The following VPS13D variants were observed in gnomAD, a reference collection of about 807,000 sequenced individuals.
VPS13D encodes vacuolar protein sorting 13 homolog D, also known as intermembrane lipid transfer protein VPS13D.
In VPS13D, 187 loss-of-function variants were observed where a neutral mutation model predicts 461.9. That is an observed-to-expected ratio of 0.40 (90% CI 0.36 to 0.46). VPS13D has a LOEUF of 0.46. VPS13D is among the 20% of genes least tolerant of loss of function. The probability of loss-of-function intolerance (pLI) is 0.60; values close to 1 mark genes in which losing one functional copy is unlikely to be tolerated. For missense variants in VPS13D, 4,711 were observed against 5,364.9 expected (o/e 0.88, Z 3.81); for synonymous variants, 1,951 against 1,986.3 (o/e 0.98, Z 0.47).
In VPS13D at chr1:12,495,877, G is replaced by A. The variant is rs1382626452; in HGVS notation, c.12663-1623G>A. Among the ~76,000 whole-genome samples the A allele has an allele frequency of 6.6e-6, 1 of 152,200 alleles. No homozygotes were observed. Among genetic ancestry groups the A allele is most frequent in the Non-Finnish European group, 1.5e-5 (1 of 68,034 alleles). ...TGCTAGGCAAGGAGATAAGAACAGA[G>A]CTCTGCTACGTGGAGAGGCACGCCA... On this transcript the variant is annotated intron_variant, in intron 67 of 69. Transcript: ENST00000620676. The surrounding 1 kb of genome is among the most constrained non-coding windows in gnomAD (Gnocchi z 4.0).
rs766393064 is a variant in VPS13D, at chr1:12,253,699, C to A, written c.565-23C>A. 3.2e-5 allele frequency: 50 copies of A among 1,554,038 alleles called. 1 individual carries two copies. In the East Asian group the frequency reaches 1.0e-3, roughly 32 times the overall value. ...CGAATAAAGACAGTCATCCTATTTTCTTCTTTGTCTTTTTTACCTCAGGTA... is the reference window on the plus strand; with the variant it reads ...CGAATAAAGACAGTCATCCTATTTTATTCTTTGTCTTTTTTACCTCAGGTA... On this transcript the variant is annotated intron_variant, in intron 6 of 69. Transcript: ENST00000620676.
At chr1:12,413,734 A>T (rs1456531839) in intron 63 of VPS13D, among the ~76,000 whole-genome samples, 1 of 151,546 alleles carries the variant, frequency 6.6e-6, no homozygotes, top group Non-Finnish European at 1.5e-5. Context: ...AGCTTCCCAA[A>T]GTGCTGGGAT....
chr1:12,345,326 C>T lies in VPS13D; in HGVS notation c.8886-48C>T, dbSNP rs776735665. The T allele has an allele frequency of 3.9e-6, 6 of 1,550,466 alleles. No homozygotes were observed. The East Asian group carries it at 1.4e-4, about 35-fold the overall frequency. ...TGTGTCTTTGCTTCTACTTTTCATC[C>T]CTTCTGGAGATTGTGCCTAATATCT... is the stretch of plus-strand genomic sequence containing the variant. On this transcript the variant is annotated intron_variant, in intron 42 of 69. Transcript: ENST00000620676.
At position 12,291,003 on chromosome 1, in the gene VPS13D, G is replaced by A; in HGVS notation, c.5731G>A (p.Asp1911Asn). 1.2e-6 allele frequency: 2 copies of A among 1,609,866 alleles called. No individual in the cohort carries two copies. The highest frequency in any genetic ancestry group is 1.7e-6 in the Non-Finnish European group (2 of 1,178,886). Residue 1911 changes from aspartate (D) to asparagine (N), a missense_variant, in exon 23 of 70, where the codon GAC (aspartate) becomes AAC (asparagine). By Grantham distance (23) the Asp-to-Asn change is conservative. Coordinates refer to ENST00000620676, the MANE Select transcript of VPS13D (RefSeq NM_015378.4). ...LVAHLEMIEG[D>N]LALQGSIGSL... is the part of the protein sequence containing the mutation. ...TCTAACTTTATCATCCCTAGAGGGAGACCTGGCCTTACAGGGCAGCATTGG... is the reference window on the plus strand; with the variant it reads ...TCTAACTTTATCATCCCTAGAGGGAAACCTGGCCTTACAGGGCAGCATTGG...
intron 52 of VPS13D, among the ~76,000 whole-genome samples, chr1:12,363,913 A>G (rs1048026643): frequency 2.4e-5 from 3 of 124,274 alleles, no homozygotes; most frequent in Admixed American, 1.1e-4. Flanking sequence ...AGATCACGCC[A>G]CTGCACTCCA....
In VPS13D at chr1:12,401,617, A is replaced by G. The variant is rs754316661; in HGVS notation, c.11794A>G (p.Ile3932Val). Reference protein sequence around the residue: ...ALTNIYKHLMITAQRFTVQIE... With the variant: ...ALTNIYKHLMVTAQRFTVQIE... ...ATTTCTTTATCTCTAGCATCTGATG[A>G]TCACAGCTCAGAGATTCACAGTGCA... The change falls in exon 62 of 70, where the codon ATC (isoleucine) becomes GTC (valine). Residue 3932 changes from isoleucine to valine, a missense_variant. Physicochemically the swap from Ile to Val is conservative, Grantham distance 29 (BLOSUM62 3). Coordinates refer to ENST00000620676, the MANE Select transcript of VPS13D (RefSeq NM_015378.4). 2 of 1,610,664 alleles carry G rather than the reference A, an allele frequency of 1.2e-6. No homozygotes were observed. Among genetic ancestry groups the G allele is most frequent in the South Asian group, 1.1e-5 (1 of 90,890 alleles).
At chr1:12,257,129 C>A in intron 9 of VPS13D, 42 bp downstream of exon 9, 1 of 1,548,466 alleles carries the variant, frequency 6.5e-7, no homozygotes, top group African/African-American at 1.4e-5. Context: ...ATGTTAGAGC[C>A]TGTTCTTGCT....
intron 44 of VPS13D, 120 bp from the exon 45 acceptor site, chr1:12,348,703 T>G: frequency 8.0e-7 from 1 of 1,254,776 alleles, no homozygotes; most frequent in Non-Finnish European, 1.1e-6. Context: ...TATGACTGAT[T>G]TCACTGAAGA....
rs566959799 is a variant in VPS13D at position 12,312,006 on chromosome 1, G to A, written c.6935+81G>A. On this transcript the variant is annotated intron_variant, in intron 29 of 69. Coordinates refer to ENST00000620676, the MANE Select transcript of VPS13D (RefSeq NM_015378.4). ...TGTTTTGCATTGACACAGAGCAGAG[G>A]TTGCAGAGTGGTGGCCCACAGATGG... 410 of 1,191,582 alleles carry A rather than the reference G, an allele frequency of 3.4e-4. 1 individual carries two copies. In the African/African-American group the frequency reaches 5.4e-3, roughly 16 times the overall value. The allele number at this position is 1,191,582 out of a possible 1,614,324, so 73.8% of individuals were successfully genotyped here.
intron 23 of VPS13D, among the ~76,000 whole-genome samples, chr1:12,292,656 C>T (rs1283809758): frequency 2.0e-5 from 3 of 152,044 alleles, no homozygotes; most frequent in Admixed American, 2.0e-4. Context: ...CCAGGCTGGT[C>T]TCAAACTCCT....
intron 60 of VPS13D, among the ~76,000 whole-genome samples, chr1:12,398,213 C>T (rs188245059): frequency 6.6e-6 from 1 of 152,284 alleles, no homozygotes; most frequent in East Asian, 1.9e-4. Context: ...GAAGAAAAGT[C>T]ATTTCCAGTT....
intron 63 of VPS13D, among the ~76,000 whole-genome samples, 178 bp downstream of exon 63, chr1:12,404,151 AC>A (rs1227536393): frequency 1.4e-5 from 2 of 145,382 alleles, no homozygotes; most frequent in East Asian, 4.0e-4. Context: ...TTATTGACTT[AC>A]GTGTATTTGT....
chr1:12,361,976 C>A (rs1643957870), intron 50 of VPS13D, among the ~76,000 whole-genome samples: 1 of 152,180 alleles, frequency 6.6e-6, no homozygotes, highest in South Asian at 2.1e-4. Context: ...CTCTTTCTTG[C>A]CTCAGCCTCC....
At chr1:12,499,550 G>A in intron 68 of VPS13D, 1 of 985,454 alleles carries the variant, frequency 1.0e-6, no homozygotes, top group Non-Finnish European at 1.2e-6. Flanking sequence ...AACAGAGCCA[G>A]AGAGAGCTAA....
chr1:12,242,988 T>A (rs944860368), intron 3 of VPS13D, among the ~76,000 whole-genome samples: 5 of 151,604 alleles, frequency 3.3e-5, no homozygotes, highest in African/African-American at 1.2e-4. Context: ...AGTCTCGCTC[T>A]GTCACCGAGG....
At chr1:12,451,431 A>G (rs749741833) in intron 65 of VPS13D, among the ~76,000 whole-genome samples, 1 of 152,228 alleles carries the variant, frequency 6.6e-6, no homozygotes, top group Non-Finnish European at 1.5e-5. Context: ...AGGAAGGGGA[A>G]AATCATTGTC....
intron 29 of VPS13D, 33 bp from the exon 30 acceptor site, chr1:12,314,082 C>T: frequency 6.3e-7 from 1 of 1,594,462 alleles, no homozygotes; most frequent in East Asian, 2.2e-5. Flanking sequence ...AGTTGTGTTT[C>T]ACATCTTGCT....
intron 13 of VPS13D, among the ~76,000 whole-genome samples, chr1:12,262,984 C>CT (rs1248244386): frequency 2.6e-5 from 4 of 152,096 alleles, no homozygotes; most frequent in Admixed American, 2.6e-4. Flanking sequence ...GATTACAGGC[C>CT]TGAGCCATTG....
rs58680592 is a variant in VPS13D, at chr1:12,356,068, A to G, written c.9849A>G (p.Pro3283=). ...EGSLKIFISA[P]YWLINKTGLP... is the part of the protein sequence containing the mutation. ...CCTTAAAGATCTTCATTTCTGCTCC[A>G]TATTGGCTGATTAACAAAACAGGTA... Residue 3283 remains proline (P), a synonymous_variant, in exon 48 of 70, where the codon CCA becomes CCG. Transcript: ENST00000620676. 3.4e-5 allele frequency: 55 copies of G among 1,611,386 alleles called. No homozygotes were observed. The East Asian group carries it at 8.3e-4, about 24-fold the overall frequency.
Sources: gnomAD v4.1 joint callset for allele counts (sites outside exome capture counted in the v4.1 genomes callset) on GRCh38, gnomAD v4.1.1 for gene constraint, Gnocchi (gnomAD v3.1) non-coding constraint, MANE v1.5 for transcripts, NCBI Gene and HGNC (gene_info 2026-07-23, HGNC 2026-07-21) for gene names.